Variants in UPK3B observed in about 807,000 individuals in gnomAD.
The protein encoded by UPK3B is uroplakin-3b.
A neutral mutation model predicts 27.6 loss-of-function variants in UPK3B; 21 were observed. That is an observed-to-expected ratio of 0.76 (90% CI 0.54 to 1.10). The LOEUF (loss-of-function observed/expected upper bound fraction) is 1.10. UPK3B is among the 50% of genes least tolerant of loss of function. The pLI, the probability that UPK3B is intolerant of heterozygous loss-of-function variation, is 0.00. For missense variants in UPK3B, 306 were observed against 376.1 expected, an observed-to-expected ratio of 0.81 and a Z score of 1.54; for synonymous variants, 141 against 162.3, an observed-to-expected ratio of 0.87 and a Z score of 1.00.
rs1225746738 is a variant in UPK3B, at chr7:76,513,078, C to G, written c.462-6C>G. 6.2e-7 allele frequency: 1 copy of G among 1,611,786 alleles called. No homozygotes were observed. ...CCCCTCCTCCCCCACCACCTCCCATCCCCAGGGTGAAGTTCCTCCTGATGG... is the reference window on the plus strand; with the variant it reads ...CCCCTCCTCCCCCACCACCTCCCATGCCCAGGGTGAAGTTCCTCCTGATGG... On this transcript the variant is annotated splice_polypyrimidine_tract_variant and splice_region_variant and intron_variant, in intron 3 of 5. Coordinates refer to ENST00000334348, the MANE Select transcript of UPK3B (RefSeq NM_001347684.2).
rs760751353 is a variant in UPK3B at position 76,511,056 on chromosome 7, C to T, written c.235+4C>T. 145 of 1,594,932 alleles carry T rather than the reference C, an allele frequency of 9.1e-5. 1 individual carries two copies. Among genetic ancestry groups the T allele is most frequent in the Non-Finnish European group, 1.2e-4 (138 of 1,168,500 alleles). On this transcript the variant is annotated splice_donor_region_variant and intron_variant, in intron 2 of 5. Coordinates refer to ENST00000334348, the MANE Select transcript of UPK3B (RefSeq NM_001347684.2). ...CTCGTGGTGGCCTTCAGCAATGGTA[C>T]GGGGACTGCTGTGGGGCCTGGGTGA...
At chr7:76,514,974 G>A in intron 5 of UPK3B, 71 bp from the exon 6 acceptor site, 2 of 1,513,422 alleles carry the variant, frequency 1.3e-6, no homozygotes, top group Non-Finnish European at 8.9e-7. Flanking sequence ...AGGGAGGAGA[G>A]CAGGCCTTGA....
chr7:76,514,237 C>A (rs1461546085), intron 5 of UPK3B, among the ~76,000 whole-genome samples, 161 bp downstream of exon 5: 1 of 152,152 alleles, frequency 6.6e-6, no homozygotes, highest in African/African-American at 2.4e-5. Context: ...AACTGCTGGG[C>A]TCAAGCGATC....
intron 5 of UPK3B, 77 bp from the exon 6 acceptor site, chr7:76,514,968 A>G: frequency 1.4e-6 from 2 of 1,477,762 alleles, no homozygotes; most frequent in Non-Finnish European, 1.8e-6. Flanking sequence ...GCTGGGAGGG[A>G]GGAGAGCAGG....
intron 4 of UPK3B, 136 bp downstream of exon 4, chr7:76,513,299 A>G (rs960406843): frequency 3.7e-6 from 3 of 806,214 alleles, no homozygotes; most frequent in African/African-American, 1.7e-5. Flanking sequence ...CCAGCCCCCA[A>G]CAGAACCTCA....
Position 76,515,027 on chromosome 7 carries a change from C to T in UPK3B, c.672-18C>T. 1 of 1,558,330 alleles carries T rather than the reference C, an allele frequency of 6.4e-7. No homozygotes were observed. The highest frequency in any genetic ancestry group is 8.7e-7 in the Non-Finnish European group (1 of 1,151,548). The stretch of plus-strand genomic sequence containing the variant: ...GTGGCAGGGACATATGTCTCTTCCT[C>T]CTCCTCTCCCCGCCCAGCTCCAGCC... On this transcript the variant is annotated intron_variant, in intron 5 of 5. Transcript: ENST00000334348.
intron 3 of UPK3B, among the ~76,000 whole-genome samples, chr7:76,512,264 A>G (rs1255785876): frequency 6.7e-6 from 1 of 148,220 alleles, no homozygotes; most frequent in Admixed American, 6.8e-5. Context: ...CCGCTCTTAC[A>G]GATGAGGAAA....
chr7:76,515,414 G>T lies in UPK3B; in HGVS notation c.*210G>T. Reference sequence around the variant, plus strand: ...TCTCTCCCTCTCCAAGCATCTGTAAGTTGCACTCAGGAGGGTTTAGGGGAG... The same window carrying T: ...TCTCTCCCTCTCCAAGCATCTGTAATTTGCACTCAGGAGGGTTTAGGGGAG... On this transcript the variant is annotated 3_prime_UTR_variant, in exon 6 of 6. Transcript: ENST00000334348. 2.0e-6 allele frequency: 3 copies of T among 1,502,720 alleles called. No homozygotes were observed. Among genetic ancestry groups the T allele is most frequent in the Non-Finnish European group, 2.7e-6 (3 of 1,129,916 alleles). The allele number at this position is 1,502,720 out of a possible 1,614,324, so 93.1% of individuals were successfully genotyped here.
rs188470930 is a variant in UPK3B at position 76,511,793 on chromosome 7, A to T, written c.372A>T (p.Gly124=). The T allele has an allele frequency of 3.7e-3, 5,645 of 1,535,778 alleles. 31 individuals are homozygous for T. In the African/African-American group the frequency reaches 0.069, roughly 19 times the overall value. The part of the protein sequence containing the change: ...LPCGDPMAGS[G]GAPVLRVGHD... ...GTGGCGACCCCATGGCGGGCAGCGGAGGCGCCCCCGTGCTGCGGGTGGGCC... is the reference window on the plus strand; with the variant it reads ...GTGGCGACCCCATGGCGGGCAGCGGTGGCGCCCCCGTGCTGCGGGTGGGCC... The change falls in exon 3 of 6, where the codon GGA becomes GGT. Residue 124 remains glycine (G), a synonymous_variant. Transcript: ENST00000334348.
chr7:76,510,560 T>C lies in UPK3B; in HGVS notation c.-93T>C. Reference sequence around the variant, plus strand: ...TTTCCAGCCCCTGGGGCAGCCTGATTAACCAGCTTCTCCAGGGCCAAGCTG... The same window carrying C: ...TTTCCAGCCCCTGGGGCAGCCTGATCAACCAGCTTCTCCAGGGCCAAGCTG... On this transcript the variant is annotated 5_prime_UTR_variant, in exon 1 of 6. Transcript: ENST00000334348. The C allele has an allele frequency of 8.1e-7, 1 of 1,232,344 alleles. No homozygotes were observed. Among genetic ancestry groups the C allele is most frequent in the South Asian group, 2.7e-5 (1 of 36,692 alleles). The allele number at this position is 1,232,344 out of a possible 1,614,324, so 76.3% of individuals were successfully genotyped here.
Position 76,511,876 on chromosome 7 carries a change from C to T in UPK3B, c.455C>T (p.Pro152Leu). Residue 152 changes from proline to leucine, a missense_variant, in exon 3 of 6, where the codon CCC becomes CTC. Pro to Leu is a moderately conservative substitution (Grantham distance 98, BLOSUM62 -3). Coordinates refer to ENST00000334348, the MANE Select transcript of UPK3B (RefSeq NM_001347684.2). ...AACGCGCCCCTCCCTGGCCCTGGAC[C>T]CTATCGGTGGGTGGTCCCCACCGGA... is the stretch of plus-strand genomic sequence containing the variant. ...FCNAPLPGPGPYRVKFLLMDT... is the reference protein window; with the variant it reads ...FCNAPLPGPGLYRVKFLLMDT... 2 of 1,406,740 alleles carry T rather than the reference C, an allele frequency of 1.4e-6. No individual in the cohort carries two copies. The highest frequency in any genetic ancestry group is 1.9e-6 in the Non-Finnish European group (2 of 1,068,876). 87.1% of individuals were successfully genotyped at this position (1,406,740 alleles called of 1,614,324 possible).
At chr7:76,512,327 G>C (rs2116678631) in intron 3 of UPK3B, among the ~76,000 whole-genome samples, 1 of 150,640 alleles carries the variant, frequency 6.6e-6, no homozygotes, top group East Asian at 2.1e-4. Context: ...AGCCGGGATG[G>C]GGAAGCAGGC....
chr7:76,513,578 G>C (rs777003076), intron 4 of UPK3B, among the ~76,000 whole-genome samples: 2 of 152,016 alleles, frequency 1.3e-5, no homozygotes, highest in African/African-American at 4.8e-5. Flanking sequence ...CGAGTGCCAC[G>C]GCCCAGGTGT....
chr7:76,511,755 G>C lies in UPK3B; in HGVS notation c.334G>C (p.Asp112His). 1 of 1,610,140 alleles carries C rather than the reference G, an allele frequency of 6.2e-7. No individual in the cohort carries two copies. ...GHYMTLPLSP[D>H]QLPCGDPMAG... ...CTACATGACGCTGCCCCTGTCTCCGGACCAGCTGCCCTGTGGCGACCCCAT... is the reference window on the plus strand; with the variant it reads ...CTACATGACGCTGCCCCTGTCTCCGCACCAGCTGCCCTGTGGCGACCCCAT... The change falls in exon 3 of 6, where the codon GAC (aspartate) becomes CAC (histidine). Residue 112 changes from aspartate to histidine, a missense_variant. Around this residue, in one of 4 missense-constraint regions of UPK3B, gnomAD observed 78 missense variants for 120.2 expected, o/e 0.65. Coordinates refer to ENST00000334348, the MANE Select transcript of UPK3B (RefSeq NM_001347684.2).
Position 76,510,588 on chromosome 7 carries a change from G to A in UPK3B, c.-65G>A. 1 of 1,359,332 alleles carries A rather than the reference G, an allele frequency of 7.4e-7. No homozygotes were observed. Among genetic ancestry groups the A allele is most frequent in the Non-Finnish European group, 9.6e-7 (1 of 1,043,006 alleles). The allele number at this position is 1,359,332 out of a possible 1,614,324, so 84.2% of individuals were successfully genotyped here. ...CCAGCTTCTCCAGGGCCAAGCTGTT[G>A]GGGGTGAGGTGCAGCCCGAAGCAGC... is the stretch of plus-strand genomic sequence containing the variant. On this transcript the variant is annotated 5_prime_UTR_variant, in exon 1 of 6. Transcript: ENST00000334348.
rs1812678874 is a variant in UPK3B at position 76,514,990 on chromosome 7, C to CA, written c.672-54dup. 3.2e-6 allele frequency: 5 copies of CA among 1,539,220 alleles called. No homozygotes were observed. The East Asian group carries it at 1.2e-4, about 38-fold the overall frequency. ...GGGAGGAGAGCAGGCCTTGACCCAGCACGTGCCCCATGTGGCAGGGACATA... is the reference window on the plus strand; with the variant it reads ...GGGAGGAGAGCAGGCCTTGACCCAGCAACGTGCCCCATGTGGCAGGGACATA... On this transcript the variant is annotated intron_variant, in intron 5 of 5. Coordinates refer to ENST00000334348, the MANE Select transcript of UPK3B (RefSeq NM_001347684.2).
Position 76,511,847 on chromosome 7 carries a change from C to G in UPK3B, c.426C>G (p.Phe142Leu). 6.9e-7 allele frequency: 1 copy of G among 1,456,104 alleles called. No individual in the cohort carries two copies. The highest frequency in any genetic ancestry group is 9.1e-7 in the Non-Finnish European group (1 of 1,098,976). The allele number at this position is 1,456,104 out of a possible 1,614,324, so 90.2% of individuals were successfully genotyped here. A position where few individuals can be genotyped will look rare whatever the true frequency, so the allele number is the denominator to read the frequency against. Residue 142 changes from phenylalanine to leucine, a missense_variant, in exon 3 of 6, where the codon TTC (phenylalanine) becomes TTG (leucine). Physicochemically the swap from Phe to Leu is conservative, Grantham distance 22 (BLOSUM62 0). Transcript: ENST00000334348. ...GHDHGCHQQP[F>L]CNAPLPGPGP... The stretch of plus-strand genomic sequence containing the variant: ...ACCACGGCTGCCACCAGCAGCCCTT[C>G]TGCAACGCGCCCCTCCCTGGCCCTG...
In UPK3B at chr7:76,511,036, G is replaced by C; in HGVS notation, c.219G>C (p.Val73=). 10 of 1,602,172 alleles carry C rather than the reference G, an allele frequency of 6.2e-6. No homozygotes were observed. Among genetic ancestry groups the C allele is most frequent in the Non-Finnish European group, 8.5e-6 (10 of 1,174,072 alleles). Reference sequence around the variant, plus strand: ...GCGCCAGCGATACCGTCTGGCTCGTGGTGGCCTTCAGCAATGGTACGGGGA... The same window carrying C: ...GCGCCAGCGATACCGTCTGGCTCGTCGTGGCCTTCAGCAATGGTACGGGGA... ...LASASDTVWL[V]VAFSNASRGF... is the part of the protein sequence containing the mutation. Residue 73 remains valine, a synonymous_variant, in exon 2 of 6, where the codon GTG becomes GTC. Coordinates refer to ENST00000334348, the MANE Select transcript of UPK3B (RefSeq NM_001347684.2).
intron 4 of UPK3B, among the ~76,000 whole-genome samples, chr7:76,513,653 A>T (rs755812763): frequency 9.2e-5 from 14 of 152,072 alleles, no homozygotes; most frequent in Non-Finnish European, 1.8e-4. Flanking sequence ...AAGTCTTGTC[A>T]TCTGAAGGCC....
Sources: gnomAD v4.1 joint callset for allele counts (sites outside exome capture counted in the v4.1 genomes callset) on GRCh38, gnomAD v4.1.1 for gene constraint, gnomAD v4.1.1 regional missense constraint, MANE v1.5 for transcripts, NCBI Gene and HGNC (gene_info 2026-07-23, HGNC 2026-07-21) for gene names.